The following PMM2 variants were observed in gnomAD, a reference collection of about 807,000 sequenced individuals.
The protein encoded by PMM2 is mannose-6-phosphate isomerase.
Under a neutral mutation model 33.2 loss-of-function variants are expected in PMM2, and 35 were observed. That is an observed-to-expected ratio of 1.06 (90% CI 0.81 to 1.40). The LOEUF is 1.40. Ranked by LOEUF, PMM2 falls within the 40% of genes most tolerant of loss-of-function variation. The pLI, the probability that PMM2 is intolerant of heterozygous loss-of-function variation, is 0.00. For synonymous variants in PMM2, 153 were observed against 114.7 expected, an observed-to-expected ratio of 1.33 and a Z score of -2.13; for missense variants, 386 against 306.0, an observed-to-expected ratio of 1.26 and a Z score of -1.95.
chr16:8,817,747 GAAGAAA>G (rs2060716019), intron 7 of PMM2, among the ~76,000 whole-genome samples: 1 of 152,108 alleles, frequency 6.6e-6, no homozygotes, highest in Non-Finnish European at 1.5e-5. Context: ...AAAGTACGAA[GAAGAAA>G]AAGAAAGTCA....
intron 7 of PMM2, among the ~76,000 whole-genome samples, chr16:8,823,742 G>C (rs1431218313): frequency 8.5e-5 from 13 of 152,050 alleles, no homozygotes; most frequent in Admixed American, 8.5e-4. Context: ...TCTTCTCATG[G>C]TCCTAAGATA....
At chr16:8,835,257 G>C (rs1003368048) in intron 7 of PMM2, among the ~76,000 whole-genome samples, 3 of 151,822 alleles carry the variant, frequency 2.0e-5, no homozygotes, top group East Asian at 3.9e-4. Context: ...TGTTTTGTAA[G>C]GGATTGAGGT....
chr16:8,836,875 C>T (rs1196967610), intron 7 of PMM2, among the ~76,000 whole-genome samples: 5 of 151,978 alleles, frequency 3.3e-5, no homozygotes, highest in Non-Finnish European at 1.5e-5. Flanking sequence ...GAAAAAGGAG[C>T]ATTAACTTTG....
At chr16:8,841,125 G>A (rs572038276) in intron 7 of PMM2, among the ~76,000 whole-genome samples, 1 of 151,952 alleles carries the variant, frequency 6.6e-6, no homozygotes, top group African/African-American at 2.4e-5. Context: ...TTGGTGATGT[G>A]TACCTTTAAA....
At chr16:8,813,213 GCTCAAAC>G (rs2060687832) in intron 7 of PMM2, 107 bp downstream of exon 7, 2 of 787,846 alleles carry the variant, frequency 2.5e-6, no homozygotes, top group Non-Finnish European at 4.6e-6. Flanking sequence ...CACCCGCCCT[GCTCAAAC>G]TGAGCAGTGG....
intron 7 of PMM2, among the ~76,000 whole-genome samples, chr16:8,819,917 G>A (rs1123914): frequency 0.045 from 6,905 of 152,210 alleles, 235 homozygotes; most frequent in Middle Eastern, 0.13. Flanking sequence ...TGAAAGCCTC[G>A]CCTCTGTCAT....
At chr16:8,820,368 T>TTTTTTTTTTTTTTC (rs2060731489) in intron 7 of PMM2, among the ~76,000 whole-genome samples, 1 of 146,444 alleles carries the variant, frequency 6.8e-6, no homozygotes, top group African/African-American at 2.5e-5. Context: ...TTTTTTTTTT[T>TTTTTTTTTTTTTTC]CCTGAGACAA....
rs1239399760 is a variant in PMM2, at chr16:8,806,301, A to G, written c.256-15A>G. 2 of 1,526,828 alleles carry G rather than the reference A, an allele frequency of 1.3e-6. No homozygotes were observed. The highest frequency in any genetic ancestry group is 1.8e-6 in the Non-Finnish European group (2 of 1,100,430). 94.6% of individuals were successfully genotyped at this position (1,526,828 alleles called of 1,614,324 possible). Reference sequence around the variant, plus strand: ...TCCTGCTAAATCAAGTAACTCAAGTATTTTCTTCATCTAGAATATTCAAAG... The same window carrying G: ...TCCTGCTAAATCAAGTAACTCAAGTGTTTTCTTCATCTAGAATATTCAAAG... On this transcript the variant is annotated splice_polypyrimidine_tract_variant and intron_variant, in intron 3 of 7. Coordinates refer to ENST00000268261, the MANE Select transcript of PMM2 (RefSeq NM_000303.3).
chr16:8,824,081 A>C (rs901546887), intron 7 of PMM2, among the ~76,000 whole-genome samples: 6 of 152,246 alleles, frequency 3.9e-5, no homozygotes, highest in African/African-American at 1.4e-4. Context: ...ATCAGAGAGA[A>C]GGCAATATGC....
At chr16:8,823,784 C>T (rs1035645308) in intron 7 of PMM2, among the ~76,000 whole-genome samples, 2 of 152,128 alleles carry the variant, frequency 1.3e-5, no homozygotes, top group Admixed American at 1.3e-4. Flanking sequence ...CAAAAAGTGA[C>T]GGTCTTTATT....
intron 7 of PMM2, among the ~76,000 whole-genome samples, chr16:8,833,584 A>G (rs936014064): frequency 2.6e-5 from 4 of 151,722 alleles, no homozygotes; most frequent in African/African-American, 9.7e-5. Context: ...GGGCTGCTTC[A>G]AGCGGGATTA....
At chr16:8,798,528 A>T (rs2141014603) in intron 1 of PMM2, among the ~76,000 whole-genome samples, 1 of 152,290 alleles carries the variant, frequency 6.6e-6, no homozygotes, top group East Asian at 1.9e-4. Context: ...TATGTTGGAC[A>T]CAACACACTA....
At chr16:8,805,707 C>A (rs1391316841) in intron 3 of PMM2, among the ~76,000 whole-genome samples, 1 of 151,986 alleles carries the variant, frequency 6.6e-6, no homozygotes, top group Non-Finnish European at 1.5e-5. Context: ...ATTCTTGTGC[C>A]TCAGCCTCCC....
At chr16:8,798,059 C>T (rs757268193) in intron 1 of PMM2, 111 bp downstream of exon 1, 19 of 1,020,966 alleles carry the variant, frequency 1.9e-5, no homozygotes, top group Non-Finnish European at 2.8e-5. Context: ...GGACCGCCTA[C>T]GTCCTCACGG....
Position 8,838,115 on chromosome 16 carries a change from G to A in PMM2, c.640-9609G>A, listed in dbSNP as rs187827084. Reference sequence around the variant, plus strand: ...TTATCATTAGTTCTTATGGGTTTTGGGATAGGCGGTGAAGTTAAGAGCAAT... The same window carrying A: ...TTATCATTAGTTCTTATGGGTTTTGAGATAGGCGGTGAAGTTAAGAGCAAT... On this transcript the variant is annotated intron_variant, in intron 7 of 7. Coordinates refer to ENST00000268261, the MANE Select transcript of PMM2 (RefSeq NM_000303.3). Among the ~76,000 whole-genome samples, 44 of 152,174 alleles carry A rather than the reference G, an allele frequency of 2.9e-4. No individual in the cohort carries two copies. In the Middle Eastern group the frequency reaches 0.017, roughly 59 times the overall value.
At chr16:8,813,291 G>A (rs572113417) in intron 7 of PMM2, among the ~76,000 whole-genome samples, 185 bp downstream of exon 7, 8 of 152,134 alleles carry the variant, frequency 5.3e-5, no homozygotes, top group African/African-American at 1.9e-4. Context: ...GACCCCCGAC[G>A]CCTCTGTGGA....
At chr16:8,812,866 T>G in intron 6 of PMM2, 125 bp from the exon 7 acceptor site, 1 of 730,750 alleles carries the variant, frequency 1.4e-6, no homozygotes, top group East Asian at 2.6e-5. Context: ...AGTAGCAAAC[T>G]AGAGTACTGA....
chr16:8,801,132 C>T (rs1020326957), intron 1 of PMM2, among the ~76,000 whole-genome samples: 32 of 152,170 alleles, frequency 2.1e-4, no homozygotes, highest in Non-Finnish European at 4.0e-4. Context: ...GCTGAAAAAC[C>T]AAAGTCCCTG....
Position 8,811,621 on chromosome 16 carries a change from C to A in PMM2, c.448-17C>A, listed in dbSNP as rs2060678068. The A allele has an allele frequency of 6.4e-7, 1 of 1,558,098 alleles. No homozygotes were observed. Among genetic ancestry groups the A allele is most frequent in the African/African-American group, 1.4e-5 (1 of 74,002 alleles). ...CTGCAATACAAGAAACAATTGGTAT[C>A]TTTTTGTTTTTCTCAGAAAGAAAAT... On this transcript the variant is annotated splice_polypyrimidine_tract_variant and intron_variant, in intron 5 of 7. Transcript: ENST00000268261.
Sources: allele counts gnomAD v4.1 joint callset (sites outside exome capture counted in the v4.1 genomes callset), GRCh38; gene constraint gnomAD v4.1.1; transcripts MANE v1.5; gene names NCBI Gene and HGNC (gene_info 2026-07-23, HGNC 2026-07-21).